The following BROX variants were observed in gnomAD, a reference collection of about 807,000 sequenced individuals.
The protein encoded by BROX is BRO1 domain-containing protein BROX.
In BROX, 53 loss-of-function variants were observed where a neutral mutation model predicts 61.0. The ratio of observed to expected loss-of-function variants is 0.87; its 90% CI spans 0.70 to 1.09. The LOEUF is 1.09. Ranked by LOEUF, BROX falls within the 50% of genes least tolerant of loss-of-function variation. BROX has a pLI of 0.00. For missense variants in BROX, 489 were observed against 472.0 expected (o/e 1.04, Z -0.33); for synonymous variants, 152 against 160.2 (o/e 0.95, Z 0.38).
chr1:222,723,114 C>G (rs992410558), intron 5 of BROX, among the ~76,000 whole-genome samples: 11 of 152,100 alleles, frequency 7.2e-5, no homozygotes, highest in Non-Finnish European at 1.2e-4. Context: ...AAAATGATGT[C>G]AAATTGTATG....
chr1:222,727,319 G>T, intron 8 of BROX, 62 bp downstream of exon 8: 1 of 1,238,854 alleles, frequency 8.1e-7, no homozygotes, highest in Non-Finnish European at 1.2e-6. Flanking sequence ...ATTTGATCTT[G>T]AATAGGGAAC....
intron 4 of BROX, among the ~76,000 whole-genome samples, chr1:222,721,847 G>A (rs1657118953): frequency 6.6e-6 from 1 of 152,020 alleles, no homozygotes; most frequent in South Asian, 2.1e-4. Flanking sequence ...AGCTCATTGG[G>A]TCACTTCTAC....
chr1:222,726,484 A>C (rs112399429), intron 7 of BROX, among the ~76,000 whole-genome samples: 23,404 of 152,138 alleles, frequency 0.15, 1,954 homozygotes, highest in Middle Eastern at 0.22. Flanking sequence ...TGGGTGGCCG[A>C]GGCAGGCAGA....
intron 7 of BROX, among the ~76,000 whole-genome samples, chr1:222,726,223 A>G (rs1427899046): frequency 6.6e-6 from 1 of 152,210 alleles, no homozygotes; most frequent in Admixed American, 6.5e-5. Flanking sequence ...ACGTGAAACA[A>G]TTAAGAAACT....
intron 11 of BROX, 97 bp downstream of exon 11, chr1:222,730,274 C>A: frequency 1.1e-6 from 1 of 920,564 alleles, no homozygotes; most frequent in African/African-American, 1.8e-5. Context: ...CTGTTAGTCT[C>A]TATTCCCAAA....
chr1:222,716,167 C>T (rs1156887525), intron 2 of BROX, among the ~76,000 whole-genome samples: 1 of 152,102 alleles, frequency 6.6e-6, no homozygotes, highest in Non-Finnish European at 1.5e-5. Context: ...GGCTTGATCT[C>T]GGCTTACTGC....
At position 222,727,187 on chromosome 1, in the gene BROX, T is replaced by C; in HGVS notation, c.600T>C (p.Ile200=). Residue 200 remains isoleucine, a synonymous_variant, in exon 8 of 13, where the codon ATT becomes ATC. Coordinates refer to ENST00000340934, the MANE Select transcript of BROX (RefSeq NM_144695.4). ...TTACAGTAACAATTGCTCGAGCAAT[T>C]GAACTAAAACATGCTCCTGGACTAA... ...EAQEVTIARA[I]ELKHAPGLIA... is the part of the protein sequence containing the mutation. 1 of 1,612,842 alleles carries C rather than the reference T, an allele frequency of 6.2e-7. No individual in the cohort carries two copies. The highest frequency in any genetic ancestry group is 8.5e-7 in the Non-Finnish European group (1 of 1,179,330).
chr1:222,712,907 C>T lies in BROX; in HGVS notation c.-52C>T, dbSNP rs796985156. On this transcript the variant is annotated 5_prime_UTR_variant, in exon 1 of 13. Coordinates refer to ENST00000340934, the MANE Select transcript of BROX (RefSeq NM_144695.4). ...GACTCCGATATATTGCCCTTCTTCCCTTAGAAGAACTGCTGAACCGACTCT... is the reference window on the plus strand; with the variant it reads ...GACTCCGATATATTGCCCTTCTTCCTTTAGAAGAACTGCTGAACCGACTCT... 3.3e-6 allele frequency: 4 copies of T among 1,220,260 alleles called. No individual in the cohort carries two copies. The African/African-American group carries it at 6.3e-5, about 19-fold the overall frequency. 75.6% of individuals were successfully genotyped at this position (1,220,260 alleles called of 1,614,324 possible). A position where few individuals can be genotyped will look rare whatever the true frequency, so the allele number is the denominator to read the frequency against.
intron 2 of BROX, chr1:222,718,162 G>A (rs548731129): frequency 3.9e-5 from 6 of 152,178 alleles, no homozygotes; most frequent in Non-Finnish European, 8.8e-5. Flanking sequence ...GGAATGAAAA[G>A]GAGACACAGA....
rs778985052 is a variant in BROX, at chr1:222,722,479, T to C, written c.366T>C (p.Tyr122=). ...ISMGFNVALW[Y]TKYASRLAGK... ...TGGGATTTAATGTAGCTTTATGGTA[T>C]ACCAAATATGCTTCAAGACTGGCTG... Residue 122 remains tyrosine (Y), a synonymous_variant, in exon 5 of 13, where the codon TAT becomes TAC. Coordinates refer to ENST00000340934, the MANE Select transcript of BROX (RefSeq NM_144695.4). The C allele has an allele frequency of 2.5e-6, 4 of 1,613,290 alleles. No individual in the cohort carries two copies. In the African/African-American group the frequency reaches 4.0e-5, roughly 16 times the overall value.
At chr1:222,728,643 A>T in intron 8 of BROX, 100 bp from the exon 9 acceptor site, 1 of 664,658 alleles carries the variant, frequency 1.5e-6, no homozygotes. Flanking sequence ...TTTAGACTTG[A>T]ATGGCATTCT....
At chr1:222,722,849 ATTGT>A (rs1287685966) in intron 5 of BROX, among the ~76,000 whole-genome samples, 5 of 152,212 alleles carry the variant, frequency 3.3e-5, no homozygotes, top group African/African-American at 1.2e-4. Context: ...CATATGATAA[ATTGT>A]TTGTTTTTAT....
Position 222,712,726 on chromosome 1 carries a change from C to G in BROX, c.-233C>G, listed in dbSNP as rs1571950891. The G allele has an allele frequency of 7.7e-7, 1 of 1,290,770 alleles. No homozygotes were observed. The highest frequency in any genetic ancestry group is 1.0e-6 in the Non-Finnish European group (1 of 989,828). The allele number at this position is 1,290,770 out of a possible 1,614,324, so 80.0% of individuals were successfully genotyped here. On this transcript the variant is annotated 5_prime_UTR_variant, in exon 1 of 13. Coordinates refer to ENST00000340934, the MANE Select transcript of BROX (RefSeq NM_144695.4). ...ACGAAGCGTTTTGAGGGGACTGCAA[C>G]GCCGCGGCAATACCCGCCCCTGAGC... is the stretch of plus-strand genomic sequence containing the variant.
chr1:222,719,514 C>A (rs368083242), intron 4 of BROX, among the ~76,000 whole-genome samples, 155 bp downstream of exon 4: 2 of 152,162 alleles, frequency 1.3e-5, no homozygotes, highest in African/African-American at 4.8e-5. Flanking sequence ...TTACCTCAAT[C>A]CTAGTACATA....
chr1:222,713,293 G>T lies in BROX; in HGVS notation c.-17+351G>T, dbSNP rs1039096986. 1.5e-5 allele frequency: 15 copies of T among 985,912 alleles called. No individual in the cohort carries two copies. In the African/African-American group the frequency reaches 2.3e-4, roughly 15 times the overall value. The allele number at this position is 985,912 out of a possible 1,614,324, so 61.1% of individuals were successfully genotyped here. On this transcript the variant is annotated intron_variant, in intron 1 of 12. Transcript: ENST00000340934. Reference sequence around the variant, plus strand: ...ACAAAAATGCCTGTTTGGAAAGAGGGGAACTCAAGTGTTGGCGCGTGCGCA... The same window carrying T: ...ACAAAAATGCCTGTTTGGAAAGAGGTGAACTCAAGTGTTGGCGCGTGCGCA...
chr1:222,712,593 G>C lies in BROX; in HGVS notation c.-366G>C. The C allele has an allele frequency of 3.7e-6, 5 of 1,362,402 alleles. No individual in the cohort carries two copies. The highest frequency in any genetic ancestry group is 4.8e-6 in the Non-Finnish European group (5 of 1,045,588). The allele number at this position is 1,362,402 out of a possible 1,614,324, so 84.4% of individuals were successfully genotyped here. A position where few individuals can be genotyped will look rare whatever the true frequency, so the allele number is the denominator to read the frequency against. On this transcript the variant is annotated 5_prime_UTR_variant, in exon 1 of 13. Transcript: ENST00000340934. ...CGCCGAGGGCCGCCATCGCTATTGC[G>C]GCATTCTCCCTCGGCTCCGGAGGTA...
chr1:222,731,431 C>T lies in BROX; in HGVS notation c.1064C>T (p.Pro355Leu). The T allele has an allele frequency of 6.2e-7, 1 of 1,602,380 alleles. No individual in the cohort carries two copies. The highest frequency in any genetic ancestry group is 1.3e-5 in the African/African-American group (1 of 74,138). Residue 355 changes from proline to leucine, a missense_variant, in exon 12 of 13, where the codon CCT becomes CTT. Physicochemically the swap from Pro to Leu is moderately conservative, Grantham distance 98. Transcript: ENST00000340934. ...KANYGLVEPIPFEFPPTSVQW... is the reference protein window; with the variant it reads ...KANYGLVEPILFEFPPTSVQW... ...AATTATGGTCTCGTAGAGCCTATACCTTTCGAATTTCCTCCTACAAGTGTT... is the reference window on the plus strand; with the variant it reads ...AATTATGGTCTCGTAGAGCCTATACTTTTCGAATTTCCTCCTACAAGTGTT...
intron 7 of BROX, 66 bp from the exon 8 acceptor site, chr1:222,727,102 A>G (rs796840595): frequency 2.1e-5 from 23 of 1,104,758 alleles, no homozygotes; most frequent in African/African-American, 1.1e-4. Context: ...TTTTGCTATT[A>G]TAATTGAATT....
chr1:222,724,385 T>G (rs1315253998), intron 6 of BROX, among the ~76,000 whole-genome samples: 6 of 152,204 alleles, frequency 3.9e-5, no homozygotes, highest in Non-Finnish European at 7.3e-5. Flanking sequence ...CTTTTACAAT[T>G]AGAAAACTTA....
Sources: gnomAD v4.1 joint callset for allele counts (sites outside exome capture counted in the v4.1 genomes callset) on GRCh38, gnomAD v4.1.1 for gene constraint, MANE v1.5 for transcripts, NCBI Gene and HGNC (gene_info 2026-07-23, HGNC 2026-07-21) for gene names.